Variants in GABBR2 observed in about 807,000 individuals in gnomAD.
The protein encoded by GABBR2 is G-protein coupled receptor 51.
GABBR2 carries 23 observed loss-of-function variants against 105.6 expected under a neutral mutation model. The observed-to-expected ratio is 0.22, with a 90% CI of 0.16 to 0.31. GABBR2 has a LOEUF of 0.31. GABBR2 is among the 10% of genes least tolerant of loss of function. The pLI, the probability that GABBR2 is intolerant of heterozygous loss-of-function variation, is 1.00. For missense variants in GABBR2, 734 were observed against 1,245.5 expected, an observed-to-expected ratio of 0.59 and a Z score of 6.18; for synonymous variants, 478 against 499.7, an observed-to-expected ratio of 0.96 and a Z score of 0.58.
intron 1 of GABBR2, among the ~76,000 whole-genome samples, chr9:98,706,560 C>T (rs540750169): frequency 6.6e-6 from 1 of 152,262 alleles, no homozygotes; most frequent in South Asian, 2.1e-4. Flanking sequence ...AAGACACACT[C>T]GAAAAATAAA....
At chr9:98,496,548 C>G (rs1275772500) in intron 3 of GABBR2, 34 bp from the exon 4 acceptor site, 1 of 1,447,172 alleles carries the variant, frequency 6.9e-7, no homozygotes, top group Admixed American at 1.7e-5. Flanking sequence ...GGTGGGTGTG[C>G]TGGGGACCAC....
intron 1 of GABBR2, among the ~76,000 whole-genome samples, chr9:98,659,322 A>T (rs72760671): frequency 0.11 from 16,036 of 152,178 alleles, 939 homozygotes; most frequent in African/African-American, 0.14. Context: ...GGAAATGTTT[A>T]TACATCTTTT....
rs954198218 is a variant in GABBR2, at chr9:98,391,573, C to T, written c.1379-2569G>A. The stretch of plus-strand genomic sequence containing the variant: ...AGGAAATGCTACAGAAAGGAGGTGA[C>T]GAAGGAGCTGAGTCTCGAAGGATGA... On this transcript the variant is annotated intron_variant, in intron 9 of 18. Transcript: ENST00000259455. Among the ~76,000 whole-genome samples, 6 of 152,084 alleles carry T rather than the reference C, an allele frequency of 3.9e-5. No homozygotes were observed. The South Asian group carries it at 6.2e-4, about 16-fold the overall frequency.
intron 6 of GABBR2, 99 bp downstream of exon 6, chr9:98,473,047 T>G: frequency 1.1e-6 from 1 of 873,248 alleles, no homozygotes; most frequent in Non-Finnish European, 1.8e-6. Flanking sequence ...TTGCTCAAAG[T>G]GACACAGGAC....
chr9:98,481,941 G>T (rs1031758676), intron 4 of GABBR2, among the ~76,000 whole-genome samples: 1 of 152,170 alleles, frequency 6.6e-6, no homozygotes, highest in Non-Finnish European at 1.5e-5. Context: ...GGTAAATGGG[G>T]TCTTTGTTGC....
At chr9:98,332,167 G>A (rs951501566) in intron 13 of GABBR2, among the ~76,000 whole-genome samples, 4 of 152,134 alleles carry the variant, frequency 2.6e-5, no homozygotes, top group African/African-American at 7.2e-5. Flanking sequence ...GTGCTCCCCT[G>A]CAAAATGGAA....
At chr9:98,498,379 A>G (rs1279929470) in intron 3 of GABBR2, among the ~76,000 whole-genome samples, 1 of 152,224 alleles carries the variant, frequency 6.6e-6, no homozygotes, top group African/African-American at 2.4e-5. Context: ...AAAATGATAA[A>G]TATTCTGCTA....
chr9:98,468,047 G>A (rs541444318), intron 6 of GABBR2, among the ~76,000 whole-genome samples: 1 of 152,332 alleles, frequency 6.6e-6, no homozygotes, highest in African/African-American at 2.4e-5. Flanking sequence ...AGGAGCCAAT[G>A]TTGGGCCCAA....
rs1457281003 is a variant in GABBR2 at position 98,585,432 on chromosome 9, A to G, written c.322-7360T>C. On this transcript the variant is annotated intron_variant, in intron 1 of 18. Coordinates refer to ENST00000259455, the MANE Select transcript of GABBR2 (RefSeq NM_005458.8). ...CACATGTTCTCACTCATAGGTGGGA[A>G]TTGAACAATGAGAACACATGGACAC... Among the ~76,000 whole-genome samples the G allele has an allele frequency of 3.2e-4, 47 of 146,112 alleles. No individual in the cohort carries two copies. The Admixed American group carries it at 3.2e-3, about 10-fold the overall frequency.
At chr9:98,362,858 G>T in intron 12 of GABBR2, 21 bp from the exon 13 acceptor site, 2 of 1,519,522 alleles carry the variant, frequency 1.3e-6, no homozygotes, top group South Asian at 2.7e-5. Flanking sequence ...GGAAGGAGCA[G>T]AGGGGAGCCG....
intron 7 of GABBR2, among the ~76,000 whole-genome samples, chr9:98,421,247 C>T (rs1042884622): frequency 3.3e-5 from 5 of 152,304 alleles, no homozygotes; most frequent in Non-Finnish European, 7.3e-5. Flanking sequence ...ATTTTGATGA[C>T]ATCGCCTCTT....
intron 1 of GABBR2, among the ~76,000 whole-genome samples, chr9:98,666,771 A>C (rs7856945): frequency 1.3e-5 from 2 of 152,158 alleles, no homozygotes; most frequent in Non-Finnish European, 2.9e-5. Context: ...AAGGCTTTCC[A>C]TGTGAGACAA....
intron 1 of GABBR2, among the ~76,000 whole-genome samples, chr9:98,646,079 G>A (rs982000166): frequency 2.6e-5 from 4 of 152,110 alleles, no homozygotes; most frequent in Non-Finnish European, 5.9e-5. Context: ...AACACAGCGG[G>A]TCTGAGACTG....
intron 3 of GABBR2, among the ~76,000 whole-genome samples, chr9:98,499,790 G>A (rs1303002708): frequency 1.3e-5 from 2 of 152,226 alleles, no homozygotes; most frequent in African/African-American, 2.4e-5. Context: ...GGTGGCTCAC[G>A]CCTGTAATCC....
intron 13 of GABBR2, among the ~76,000 whole-genome samples, chr9:98,341,733 G>T (rs1226580100): frequency 6.6e-6 from 1 of 152,154 alleles, no homozygotes; most frequent in East Asian, 1.9e-4. Context: ...TTATCTCGGG[G>T]ACACAAACTG....
At chr9:98,612,863 G>A (rs1829524780) in intron 1 of GABBR2, among the ~76,000 whole-genome samples, 3 of 152,150 alleles carry the variant, frequency 2.0e-5, no homozygotes, top group Admixed American at 2.0e-4. Context: ...AAAGGCGGGG[G>A]CCAGAGCCAC....
chr9:98,611,783 C>T (rs763871944), intron 1 of GABBR2, among the ~76,000 whole-genome samples: 23 of 152,238 alleles, frequency 1.5e-4, no homozygotes, highest in Non-Finnish European at 2.1e-4. Flanking sequence ...GGTCACACTA[C>T]ATCTGTCTGC....
intron 1 of GABBR2, among the ~76,000 whole-genome samples, chr9:98,649,455 G>A (rs1000131953): frequency 1.3e-5 from 2 of 152,142 alleles, no homozygotes; most frequent in Non-Finnish European, 2.9e-5. Flanking sequence ...CACACCCACT[G>A]CCTCCAGCTT....
At position 98,545,617 on chromosome 9, in the gene GABBR2, T is replaced by A. The variant is rs907148576; in HGVS notation, c.460-3574A>T. ...CCCAAGCATCAGTATTATTTAAAAA[T>A]TTTCCAGGTGATTATGATGCTCAGT... On this transcript the variant is annotated intron_variant, in intron 2 of 18. Coordinates refer to ENST00000259455, the MANE Select transcript of GABBR2 (RefSeq NM_005458.8). Among the ~76,000 whole-genome samples, 42 of 152,302 alleles carry A rather than the reference T, an allele frequency of 2.8e-4. 1 individual carries two copies. Among genetic ancestry groups the A allele is most frequent in the Middle Eastern group, 3.4e-3 (1 of 294 alleles).
Sources: allele counts gnomAD v4.1 joint callset (sites outside exome capture counted in the v4.1 genomes callset), GRCh38; gene constraint gnomAD v4.1.1; transcripts MANE v1.5; gene names NCBI Gene and HGNC (gene_info 2026-07-23, HGNC 2026-07-21).